DRC11: variants seen among roughly 807,000 people sequenced by gnomAD.
The protein encoded by DRC11 is IQ and AAA domain-containing protein 1.
At chr2:236,380,607 C>CTTTA in the DRC11 span, 1 of 1,551,576 alleles carries the variant, frequency 6.4e-7, no homozygotes, top group Non-Finnish European at 8.7e-7. The surrounding 1 kb of genome is among the most constrained non-coding windows in gnomAD (Gnocchi z 4.9). Context: ...TTGCCTTCTT[C>CTTTA]TCTTTCTTTT....
the DRC11 span, among the ~76,000 whole-genome samples, chr2:236,325,197 A>T: frequency 3.3e-5 from 5 of 152,332 alleles, no homozygotes; most frequent in Admixed American, 6.5e-5. The surrounding 1 kb of genome is among the most constrained non-coding windows in gnomAD (Gnocchi z 4.4). Flanking sequence ...AAACCACGGT[A>T]GAAATAATGG....
chr2:236,354,795 C>G, the DRC11 span, among the ~76,000 whole-genome samples: 2 of 152,162 alleles, frequency 1.3e-5, no homozygotes, highest in Admixed American at 6.5e-5. Flanking sequence ...TGCCCGGGGC[C>G]TCCACAGCCT....
At chr2:236,359,895 CAGG>C in the DRC11 span, among the ~76,000 whole-genome samples, 1 of 152,132 alleles carries the variant, frequency 6.6e-6, no homozygotes, top group African/African-American at 2.4e-5. The surrounding 1 kb of genome is among the most constrained non-coding windows in gnomAD (Gnocchi z 4.3). Context: ...AGGTGTGTGT[CAGG>C]CACTCTGACA....
the DRC11 span, among the ~76,000 whole-genome samples, chr2:236,450,255 T>C: frequency 6.6e-6 from 1 of 151,966 alleles, no homozygotes; most frequent in Middle Eastern, 3.2e-3. Flanking sequence ...GTTAGGAAAT[T>C]GTGACCTGTC....
At chr2:236,491,194 A>ATATATATATATATATACACACAG in the DRC11 span, among the ~76,000 whole-genome samples, 16 of 63,308 alleles carry the variant, frequency 2.5e-4, no homozygotes, top group Non-Finnish European at 4.2e-4. Context: ...CACAGTATAT[A>ATATATATATATATATACACACAG]TATATATATA....
chr2:236,338,351 G>T, the DRC11 span: 1 of 1,613,918 alleles, frequency 6.2e-7, no homozygotes. Context: ...CAGGATTTGG[G>T]GAAGGTGTTT....
the DRC11 span, among the ~76,000 whole-genome samples, chr2:236,362,371 T>A: frequency 6.6e-6 from 1 of 152,176 alleles, no homozygotes; most frequent in Admixed American, 6.5e-5. The surrounding 1 kb of genome is among the most constrained non-coding windows in gnomAD (Gnocchi z 5.7). Context: ...CTCTTCTTCC[T>A]CCTTCTCCTC....
At chr2:236,498,985 G>A in the DRC11 span, among the ~76,000 whole-genome samples, 1 of 152,178 alleles carries the variant, frequency 6.6e-6, no homozygotes, top group Admixed American at 6.5e-5. Flanking sequence ...TGATGAAGGA[G>A]AAATCGAAAA....
chr2:236,377,852 A>G, the DRC11 span, among the ~76,000 whole-genome samples: 3 of 152,372 alleles, frequency 2.0e-5, no homozygotes, highest in South Asian at 6.2e-4. The surrounding 1 kb of genome is among the most constrained non-coding windows in gnomAD (Gnocchi z 4.9). Context: ...AGTATCCCAC[A>G]TAACGGATGA....
chr2:236,501,572 G>A, the DRC11 span, among the ~76,000 whole-genome samples: 1 of 152,162 alleles, frequency 6.6e-6, no homozygotes, highest in Non-Finnish European at 1.5e-5. Flanking sequence ...GGAATGGTTT[G>A]GCTGTGGACA....
At chr2:236,458,626 C>T in the DRC11 span, among the ~76,000 whole-genome samples, 1 of 152,208 alleles carries the variant, frequency 6.6e-6, no homozygotes, top group African/African-American at 2.4e-5. Flanking sequence ...GAAGTGATGC[C>T]CAGGTGCTCC....
chr2:236,459,660 C>CATACGTAT, the DRC11 span, among the ~76,000 whole-genome samples: 3 of 101,528 alleles, frequency 3.0e-5, no homozygotes, highest in African/African-American at 9.8e-5. Context: ...TATGTATATA[C>CATACGTAT]ATACGTATAT....
At chr2:236,335,802 A>T in the DRC11 span, among the ~76,000 whole-genome samples, 1 of 152,230 alleles carries the variant, frequency 6.6e-6, no homozygotes, top group Admixed American at 6.5e-5. This position sits in a 1 kb window ranked among gnomAD's most constrained non-coding sequence, Gnocchi z 5.6. Flanking sequence ...AGACAGGGGT[A>T]GTCCTGCTAA....
chr2:236,334,782 C>A, the DRC11 span, among the ~76,000 whole-genome samples: 1 of 152,048 alleles, frequency 6.6e-6, no homozygotes, highest in Admixed American at 6.5e-5. This position sits in a 1 kb window ranked among gnomAD's most constrained non-coding sequence, Gnocchi z 7.8. Flanking sequence ...CCTGGAATTG[C>A]AGAAAAGTCT....
the DRC11 span, among the ~76,000 whole-genome samples, chr2:236,347,629 G>A: frequency 5.9e-5 from 9 of 151,496 alleles, no homozygotes; most frequent in Non-Finnish European, 1.0e-4. Flanking sequence ...ACTCAGGAAT[G>A]GAAAACCAAA....
the DRC11 span, among the ~76,000 whole-genome samples, chr2:236,384,063 A>G: frequency 6.6e-6 from 1 of 152,190 alleles, no homozygotes; most frequent in African/African-American, 2.4e-5. Flanking sequence ...CCAATCTATC[A>G]TTGTTGGACA....
chr2:236,449,770 C>G, the DRC11 span, among the ~76,000 whole-genome samples: 3 of 152,194 alleles, frequency 2.0e-5, no homozygotes, highest in South Asian at 6.2e-4. This position sits in a 1 kb window ranked among gnomAD's most constrained non-coding sequence, Gnocchi z 5.1. Context: ...AATTGAGACG[C>G]CTTACATGTG....
At chr2:236,431,827 C>T in the DRC11 span, among the ~76,000 whole-genome samples, 1 of 151,966 alleles carries the variant, frequency 6.6e-6, no homozygotes, top group Admixed American at 6.6e-5. The surrounding 1 kb of genome is among the most constrained non-coding windows in gnomAD (Gnocchi z 4.2). Context: ...CTATCTATTC[C>T]CCAGTTGATA....
the DRC11 span, chr2:236,441,219 G>T: frequency 1.1e-5 from 9 of 844,568 alleles, no homozygotes; most frequent in East Asian, 8.1e-5. Context: ...ATGAGTGATG[G>T]TCATTAAGGG....
Sources: allele counts gnomAD v4.1 joint callset (sites outside exome capture counted in the v4.1 genomes callset), GRCh38; gene constraint gnomAD v4.1.1; non-coding constraint Gnocchi (gnomAD v3.1); transcripts MANE v1.5; gene names NCBI Gene and HGNC (gene_info 2026-07-23, HGNC 2026-07-21).